CCBE1: variants seen among roughly 807,000 people sequenced by gnomAD.
CCBE1 encodes the protein collagen and calcium-binding EGF domain-containing protein 1.
In CCBE1, 37 loss-of-function variants were observed where a neutral mutation model predicts 50.0. The observed-to-expected ratio is 0.74, with a 90% CI of 0.57 to 0.97. CCBE1 has a LOEUF of 0.97. CCBE1 is among the 50% of genes least tolerant of loss of function. CCBE1 has a pLI of 0.00. For synonymous variants in CCBE1, 234 were observed against 203.7 expected, an observed-to-expected ratio of 1.15 and a Z score of -1.27; for missense variants, 538 against 523.8, an observed-to-expected ratio of 1.03 and a Z score of -0.26.
In CCBE1 at chr18:59,434,307, A is replaced by G. The variant is rs1462310405; in HGVS notation, c.*1601T>C. The G allele has an allele frequency of 6.6e-6, 1 of 152,256 alleles. No homozygotes were observed. The allele number at this position is 152,256 out of a possible 1,614,324, so 9.4% of individuals were successfully genotyped here. On this transcript the variant is annotated 3_prime_UTR_variant, in exon 11 of 11. Transcript: ENST00000439986. ...GGACATGGCAGGATGGGAAATTCCAACATGAGCTAATATGAGTGTGAGAAC... is the reference window on the plus strand; with the variant it reads ...GGACATGGCAGGATGGGAAATTCCAGCATGAGCTAATATGAGTGTGAGAAC...
chr18:59,451,232 G>A (rs1054503748), intron 6 of CCBE1, among the ~76,000 whole-genome samples: 10 of 151,892 alleles, frequency 6.6e-5, no homozygotes, highest in Admixed American at 3.3e-4. Context: ...GGGGAGAGTC[G>A]CTGGTTTAAG....
chr18:59,604,815 T>C (rs2053475948), intron 2 of CCBE1, among the ~76,000 whole-genome samples: 1 of 152,252 alleles, frequency 6.6e-6, no homozygotes, highest in Non-Finnish European at 1.5e-5. Context: ...GTAAATGTAC[T>C]TTAATAAACA....
At chr18:59,673,355 A>G (rs2054459517) in intron 2 of CCBE1, among the ~76,000 whole-genome samples, 2 of 152,138 alleles carry the variant, frequency 1.3e-5, no homozygotes, top group African/African-American at 4.8e-5. Context: ...GGAAGCTGAG[A>G]CAGGAGAATT....
At chr18:59,590,837 A>G (rs2053254112) in intron 2 of CCBE1, among the ~76,000 whole-genome samples, 1 of 152,194 alleles carries the variant, frequency 6.6e-6, no homozygotes, top group South Asian at 2.1e-4. Context: ...TTAGATACAG[A>G]CTTCACTCCA....
rs925670248 is a variant in CCBE1 at position 59,681,550 on chromosome 18, C to G, written c.212+15079G>C. 2.0e-5 allele frequency among the ~76,000 whole-genome samples: 3 copies of G among 152,190 alleles called. No individual in the cohort carries two copies. In the South Asian group the frequency reaches 6.2e-4, roughly 31 times the overall value. On this transcript the variant is annotated intron_variant, in intron 2 of 10. Coordinates refer to ENST00000439986, the MANE Select transcript of CCBE1 (RefSeq NM_133459.4). ...GAAGCGAGGAAGCTGATACTTCACC[C>G]TGTGTTCTGCTATCCTATGGCACAG...
intron 2 of CCBE1, among the ~76,000 whole-genome samples, chr18:59,513,502 A>C (rs1451016105): frequency 6.6e-6 from 1 of 152,174 alleles, no homozygotes. Context: ...GCTCAGGCCT[A>C]ACTTCAGTGT....
At chr18:59,549,558 C>A (rs897166427) in intron 2 of CCBE1, among the ~76,000 whole-genome samples, 3 of 152,154 alleles carry the variant, frequency 2.0e-5, no homozygotes, top group Non-Finnish European at 4.4e-5. Flanking sequence ...GTGATTAAGA[C>A]CTTGGGAACA....
chr18:59,536,173 G>A (rs1276991742), intron 2 of CCBE1, among the ~76,000 whole-genome samples: 1 of 152,178 alleles, frequency 6.6e-6, no homozygotes, highest in Non-Finnish European at 1.5e-5. Flanking sequence ...CTCAATTCTA[G>A]CTCTTACTAA....
At chr18:59,685,671 G>C (rs747188051) in intron 2 of CCBE1, 3 of 152,238 alleles carry the variant, frequency 2.0e-5, no homozygotes, top group Non-Finnish European at 2.9e-5. Flanking sequence ...GCAAGCCAAG[G>C]TATGTGGAGC....
At chr18:59,658,402 TATATATATATATATAA>T (rs1568258652) in intron 2 of CCBE1, among the ~76,000 whole-genome samples, 2 of 48,564 alleles carry the variant, frequency 4.1e-5, no homozygotes, top group Admixed American at 3.5e-4. Flanking sequence ...TATATATATA[TATATATATATATATAA>T]AGTTAGCTAC....
chr18:59,502,223 C>A (rs1428500844), intron 2 of CCBE1, among the ~76,000 whole-genome samples: 3 of 152,212 alleles, frequency 2.0e-5, no homozygotes, highest in Non-Finnish European at 4.4e-5. Context: ...CAGCTGTGGG[C>A]AGTGCTCAGC....
chr18:59,558,936 C>G (rs143267304), intron 2 of CCBE1, among the ~76,000 whole-genome samples: 10 of 152,232 alleles, frequency 6.6e-5, no homozygotes, highest in African/African-American at 2.4e-4. Flanking sequence ...CACCTGCCTA[C>G]GGCCCCCTAA....
chr18:59,605,976 T>G (rs778419669), intron 2 of CCBE1, among the ~76,000 whole-genome samples: 9 of 152,172 alleles, frequency 5.9e-5, no homozygotes, highest in Non-Finnish European at 1.0e-4. Flanking sequence ...TGCTCGAATG[T>G]CCGAACTGTA....
At chr18:59,624,649 G>A (rs1016728690) in intron 2 of CCBE1, among the ~76,000 whole-genome samples, 4 of 152,110 alleles carry the variant, frequency 2.6e-5, no homozygotes, top group Non-Finnish European at 5.9e-5. Flanking sequence ...CTTCCTCCAA[G>A]TACAAGTGCG....
chr18:59,623,019 T>A (rs1239977282), intron 2 of CCBE1, among the ~76,000 whole-genome samples: 3 of 152,052 alleles, frequency 2.0e-5, no homozygotes, highest in African/African-American at 7.2e-5. Context: ...ATGTAGACTT[T>A]GGGTAATAAT....
chr18:59,642,040 T>G (rs2053997665), intron 2 of CCBE1, among the ~76,000 whole-genome samples: 1 of 152,024 alleles, frequency 6.6e-6, no homozygotes, highest in Non-Finnish European at 1.5e-5. Context: ...GGAAAAAGGG[T>G]GATAAAATCG....
At chr18:59,461,763 C>T (rs7242882) in intron 5 of CCBE1, among the ~76,000 whole-genome samples, 22,358 of 113,682 alleles carry the variant, frequency 0.2, 2,275 homozygotes, top group African/African-American at 0.33. Context: ...GACAGAGTTT[C>T]GCCCTTGTTG....
At chr18:59,629,534 C>T (rs1247765439) in intron 2 of CCBE1, among the ~76,000 whole-genome samples, 1 of 152,134 alleles carries the variant, frequency 6.6e-6, no homozygotes, top group Non-Finnish European at 1.5e-5. Context: ...TGAATACATT[C>T]CCAGGATCTA....
At chr18:59,512,460 G>A (rs1914172898) in intron 2 of CCBE1, among the ~76,000 whole-genome samples, 1 of 152,246 alleles carries the variant, frequency 6.6e-6, no homozygotes, top group Non-Finnish European at 1.5e-5. Context: ...TGCCCTGCAA[G>A]GGGGTACAAG....
Sources: gnomAD v4.1 joint callset for allele counts (sites outside exome capture counted in the v4.1 genomes callset) on GRCh38, gnomAD v4.1.1 for gene constraint, MANE v1.5 for transcripts, NCBI Gene and HGNC (gene_info 2026-07-23, HGNC 2026-07-21) for gene names.